Variants in IL1RAPL1 observed in about 807,000 individuals in gnomAD.
The protein encoded by IL1RAPL1 is interleukin 1 receptor accessory protein like 1.
A neutral mutation model predicts 48.4 loss-of-function variants in IL1RAPL1; 3 were observed. That is an observed-to-expected ratio of 0.06 (90% confidence interval 0.03 to 0.16). The LOEUF is 0.16. Among genes scored for constraint, IL1RAPL1 ranks in the 10% least tolerant of loss-of-function variants. The pLI is 1.00. For synonymous variants in IL1RAPL1, 185 were observed against 187.7 expected, an observed-to-expected ratio of 0.99 and a Z score of 0.12; for missense variants, 349 against 530.6, an observed-to-expected ratio of 0.66 and a Z score of 3.36.
At chrX:28,963,360 TCTA>T in intron 2 of IL1RAPL1, among the ~76,000 whole-genome samples, 1 of 111,602 alleles carries the variant, frequency 9.0e-6, no homozygotes, top group South Asian at 3.7e-4. Context: ...AAAGATGATC[TCTA>T]TTTTACATTA....
intron 6 of IL1RAPL1, among the ~76,000 whole-genome samples, chrX:29,689,619 G>A (rs1889167228): frequency 9.0e-6 from 1 of 111,577 alleles, no homozygotes. Flanking sequence ...TAGGATTTAA[G>A]CAGACATTGA....
At chrX:29,690,375 A>T (rs1012373411) in intron 6 of IL1RAPL1, among the ~76,000 whole-genome samples, 1 of 111,965 alleles carries the variant, frequency 8.9e-6, no homozygotes, top group African/African-American at 3.2e-5. Flanking sequence ...ATATTTATTG[A>T]TGGGAAGGAT....
Position 29,955,780 on chromosome X carries a change from T to A in IL1RAPL1, c.2051T>A (p.Leu684Gln). The change falls in exon 11 of 11, where the codon CTG becomes CAG. Residue 684 changes from leucine (L) to glutamine (Q), a missense_variant. By Grantham distance (113) the Leu-to-Gln change is moderately radical. This residue lies in a region of IL1RAPL1 where 65 missense variants were observed against 79.6 expected (regional missense o/e 0.82). Coordinates refer to ENST00000378993, the MANE Select transcript of IL1RAPL1 (RefSeq NM_014271.4). ...CACACAAACAGTGCCATCCTGCCGC[T>A]GTTGCCAAGGGAGACCAGTATATCC... is the stretch of plus-strand genomic sequence containing the variant. ...EAHTNSAILP[L>Q]LPRETSISSV... 8.3e-7 allele frequency: 1 copy of A among 1,211,067 alleles called. No individual in the cohort carries two copies. Among genetic ancestry groups the A allele is most frequent in the Non-Finnish European group, 1.1e-6 (1 of 895,182 alleles).
At chrX:29,536,364 G>C (rs915523907) in intron 5 of IL1RAPL1, among the ~76,000 whole-genome samples, 5 of 111,511 alleles carry the variant, frequency 4.5e-5, no homozygotes, top group Non-Finnish European at 9.4e-5. Context: ...GTATTTTTCA[G>C]GCGAAAAGAA....
intron 3 of IL1RAPL1, among the ~76,000 whole-genome samples, chrX:29,290,319 G>T (rs1180420771): frequency 1.8e-5 from 2 of 111,839 alleles, no homozygotes; most frequent in African/African-American, 3.2e-5. Flanking sequence ...AAAGATGGAA[G>T]AAATACCTCT....
At chrX:29,635,996 C>T (rs1448187489) in intron 5 of IL1RAPL1, among the ~76,000 whole-genome samples, 1 of 110,688 alleles carries the variant, frequency 9.0e-6, no homozygotes, top group Non-Finnish European at 1.9e-5. Context: ...GCTTTCTTAG[C>T]ATAGACCCAA....
At chrX:29,209,689 G>A (rs768266658) in intron 2 of IL1RAPL1, among the ~76,000 whole-genome samples, 16 of 112,288 alleles carry the variant, frequency 1.4e-4, no homozygotes, top group South Asian at 3.7e-4. Flanking sequence ...ATTACCAATA[G>A]CACTGTAATG....
rs368526731 is a variant in IL1RAPL1 at position 29,559,514 on chromosome X, T to C, written c.704-108916T>C. On this transcript the variant is annotated intron_variant, in intron 5 of 10. Coordinates refer to ENST00000378993, the MANE Select transcript of IL1RAPL1 (RefSeq NM_014271.4). ...CTGATTCAGTCTCCTTACTTGTTAGTGTTCTGCTCAGATTCTGTATTTCTT... is the reference window on the plus strand; with the variant it reads ...CTGATTCAGTCTCCTTACTTGTTAGCGTTCTGCTCAGATTCTGTATTTCTT... 2.7e-5 allele frequency among the ~76,000 whole-genome samples: 3 copies of C among 112,099 alleles called. No homozygotes were observed. The South Asian group carries it at 1.1e-3, about 41-fold the overall frequency.
intron 3 of IL1RAPL1, among the ~76,000 whole-genome samples, chrX:29,376,661 C>G (rs374442211): frequency 2.7e-5 from 3 of 111,815 alleles, no homozygotes; most frequent in African/African-American, 9.7e-5. Context: ...GTGTCAGCCA[C>G]TGTGCCCTGC....
intron 2 of IL1RAPL1, among the ~76,000 whole-genome samples, chrX:29,211,306 C>G (rs186391744): frequency 3.3e-3 from 370 of 112,044 alleles, no homozygotes; most frequent in Non-Finnish European, 5.8e-3. Context: ...ATTATTTGTT[C>G]AATGCTATTG....
chrX:29,739,752 T>G (rs1928148210), intron 6 of IL1RAPL1, among the ~76,000 whole-genome samples: 1 of 110,756 alleles, frequency 9.0e-6, no homozygotes, highest in South Asian at 3.8e-4. Context: ...CAAAAGAGTT[T>G]TAGTCAGTTT....
At chrX:28,928,004 C>T (rs768015114) in intron 2 of IL1RAPL1, among the ~76,000 whole-genome samples, 2 of 110,955 alleles carry the variant, frequency 1.8e-5, no homozygotes, top group Non-Finnish European at 3.8e-5. Flanking sequence ...AAACAGCTTA[C>T]TTGACATACC....
intron 2 of IL1RAPL1, among the ~76,000 whole-genome samples, chrX:29,213,370 G>T (rs755359092): frequency 8.9e-6 from 1 of 112,532 alleles, no homozygotes; most frequent in Middle Eastern, 4.6e-3. Flanking sequence ...ATTACTGCTA[G>T]AGTTTCTCAA....
rs112739856 is a variant in IL1RAPL1, at chrX:28,790,316, G to A, written c.82+891G>A. Among the ~76,000 whole-genome samples, 357 of 112,661 alleles carry A rather than the reference G, an allele frequency of 3.2e-3. 2 individuals are homozygous for A. Among genetic ancestry groups the A allele is most frequent in the African/African-American group, 0.011 (339 of 31,057 alleles). ...TTGCAGTGTTGTGATATAAGCAATT[G>A]CATGGACAAAAGCATCTTTGGAGTT... On this transcript the variant is annotated intron_variant, in intron 2 of 10. Coordinates refer to ENST00000378993, the MANE Select transcript of IL1RAPL1 (RefSeq NM_014271.4).
At chrX:29,850,160 T>A (rs1931333718) in intron 6 of IL1RAPL1, among the ~76,000 whole-genome samples, 1 of 112,418 alleles carries the variant, frequency 8.9e-6, no homozygotes, top group Non-Finnish European at 1.9e-5. Context: ...AATAAGGTCA[T>A]CACATTCTTC....
At chrX:28,850,055 AT>A (rs1921620268) in intron 2 of IL1RAPL1, among the ~76,000 whole-genome samples, 1 of 112,008 alleles carries the variant, frequency 8.9e-6, no homozygotes, top group East Asian at 2.8e-4. Flanking sequence ...GTCAATTGAA[AT>A]CTTTTGTTAA....
intron 5 of IL1RAPL1, among the ~76,000 whole-genome samples, chrX:29,540,261 C>CA (rs201495999): frequency 0.13 from 12,999 of 98,720 alleles, 1,500 homozygotes; most frequent in African/African-American, 0.36. Flanking sequence ...TAAAATATTG[C>CA]AAAAAAAAAA....
At chrX:29,342,152 G>GTT (rs761841691) in intron 3 of IL1RAPL1, among the ~76,000 whole-genome samples, 4 of 95,270 alleles carry the variant, frequency 4.2e-5, no homozygotes, top group Non-Finnish European at 8.0e-5. Flanking sequence ...GTGTGTGTGT[G>GTT]TGTTTGTTTT....
intron 2 of IL1RAPL1, among the ~76,000 whole-genome samples, chrX:28,870,527 T>G (rs1359045965): frequency 8.9e-6 from 1 of 111,938 alleles, no homozygotes; most frequent in African/African-American, 3.2e-5. Flanking sequence ...AGTTTTGTGA[T>G]TCTTAGACAT....
Sources: gnomAD v4.1 joint callset for allele counts (sites outside exome capture counted in the v4.1 genomes callset) on GRCh38, gnomAD v4.1.1 for gene constraint, gnomAD v4.1.1 regional missense constraint, MANE v1.5 for transcripts, NCBI Gene and HGNC (gene_info 2026-07-23, HGNC 2026-07-21) for gene names.